CACNA2D3: variants seen among roughly 807,000 people sequenced by gnomAD.
CACNA2D3 encodes calcium voltage-gated channel auxiliary subunit alpha2delta 3.
In CACNA2D3, 60 loss-of-function variants were observed where a neutral mutation model predicts 160.6. The ratio of observed to expected loss-of-function variants is 0.37; its 90% CI spans 0.30 to 0.46. The LOEUF is 0.46. Among genes scored for constraint, CACNA2D3 ranks in the 20% least tolerant of loss-of-function variants. The probability of loss-of-function intolerance (pLI) is 1.00; values close to 1 mark genes in which losing one functional copy is unlikely to be tolerated. For missense variants in CACNA2D3, 1,205 were observed against 1,365.0 expected, an observed-to-expected ratio of 0.88 and a Z score of 1.85; for synonymous variants, 558 against 492.9, an observed-to-expected ratio of 1.13 and a Z score of -1.75.
intron 12 of CACNA2D3, among the ~76,000 whole-genome samples, chr3:54,760,239 TC>T (rs1702057258): frequency 8.5e-3 from 1 of 118 alleles, no homozygotes; most frequent in Non-Finnish European, 0.019. Flanking sequence ...GGAGGGCCTC[TC>T]TGATCTGAGC....
At chr3:54,317,738 C>T (rs530833414) in intron 2 of CACNA2D3, among the ~76,000 whole-genome samples, 9 of 152,254 alleles carry the variant, frequency 5.9e-5, no homozygotes, top group Admixed American at 5.2e-4. Flanking sequence ...GGGGTTTCAC[C>T]ATGTTGGCCA....
intron 2 of CACNA2D3, among the ~76,000 whole-genome samples, chr3:54,213,104 C>T (rs1170456517): frequency 6.6e-6 from 1 of 152,120 alleles, no homozygotes; most frequent in East Asian, 1.9e-4. Context: ...CCAGATGACC[C>T]CCCTTCAGTG....
chr3:54,534,317 A>G (rs1447793385), intron 5 of CACNA2D3, among the ~76,000 whole-genome samples: 1 of 97,594 alleles, frequency 1.0e-5, no homozygotes, highest in Non-Finnish European at 2.4e-5. Context: ...TGTGTAGTTC[A>G]AGGTGGTCTT....
Position 54,277,900 on chromosome 3 carries a change from G to A in CACNA2D3, c.205-42542G>A, listed in dbSNP as rs142924535. Among the ~76,000 whole-genome samples, 1,493 of 152,198 alleles carry A rather than the reference G, an allele frequency of 9.8e-3. 30 individuals carry two copies. Among genetic ancestry groups the A allele is most frequent in the African/African-American group, 0.034 (1,427 of 41,514 alleles). On this transcript the variant is annotated intron_variant, in intron 2 of 37. Transcript: ENST00000474759. ...ATTCTCTTTGTAGCAATTGTGAATG[G>A]GAGTTCCCTCATGATTTGGCTCTCT... is the stretch of plus-strand genomic sequence containing the variant.
At chr3:55,006,602 C>T (rs1340509617) in intron 32 of CACNA2D3, among the ~76,000 whole-genome samples, 1 of 152,208 alleles carries the variant, frequency 6.6e-6, no homozygotes, top group Non-Finnish European at 1.5e-5. Context: ...GCCCAGAACA[C>T]TGTGATTCAA....
intron 2 of CACNA2D3, among the ~76,000 whole-genome samples, chr3:54,218,636 T>C (rs1207991023): frequency 6.6e-6 from 1 of 152,210 alleles, no homozygotes; most frequent in Non-Finnish European, 1.5e-5. Flanking sequence ...GTAACAAATA[T>C]CACAAACCTA....
intron 2 of CACNA2D3, among the ~76,000 whole-genome samples, chr3:54,214,177 T>C (rs980651947): frequency 5.9e-5 from 9 of 152,194 alleles, no homozygotes; most frequent in African/African-American, 2.2e-4. Flanking sequence ...CAGAAGACTC[T>C]GACTGAATTA....
chr3:54,803,230 G>T (rs1221655536), intron 13 of CACNA2D3, among the ~76,000 whole-genome samples: 1 of 152,216 alleles, frequency 6.6e-6, no homozygotes, highest in Non-Finnish European at 1.5e-5. Context: ...GACGAGTTGA[G>T]GGAAGAAGGC....
chr3:54,677,622 G>T (rs11130430), intron 11 of CACNA2D3, among the ~76,000 whole-genome samples: 9,261 of 93,930 alleles, frequency 0.099, 359 homozygotes, highest in Non-Finnish European at 0.14. Flanking sequence ...TTTTTTTTTG[G>T]GGGGGGGGCA....
chr3:54,866,929 C>A (rs2106811910), intron 17 of CACNA2D3, among the ~76,000 whole-genome samples: 1 of 152,318 alleles, frequency 6.6e-6, no homozygotes, highest in South Asian at 2.1e-4. Context: ...TATTTCATAG[C>A]ACAGAATATC....
intron 35 of CACNA2D3, among the ~76,000 whole-genome samples, chr3:55,048,917 T>C (rs1235561600): frequency 7.3e-6 from 1 of 137,744 alleles, no homozygotes; most frequent in Non-Finnish European, 1.6e-5. Context: ...TCTCTGATGG[T>C]AGTTTGTATT....
intron 4 of CACNA2D3, among the ~76,000 whole-genome samples, chr3:54,452,247 G>A (rs1206369694): frequency 6.6e-6 from 1 of 152,184 alleles, no homozygotes; most frequent in African/African-American, 2.4e-5. Flanking sequence ...CATGGTGGCA[G>A]GCAAGAGAGC....
Position 54,570,040 on chromosome 3 carries a change from C to T in CACNA2D3, c.824C>T (p.Ala275Val), listed in dbSNP as rs772419843. Residue 275 changes from alanine to valine, a missense_variant, in exon 8 of 38, where the codon GCG becomes GTG. By Grantham distance (64) the Ala-to-Val change is moderately conservative (BLOSUM62 0). Transcript: ENST00000474759. ...GSMKGLRLTIAKQTVSSILDT... is the reference protein window; with the variant it reads ...GSMKGLRLTIVKQTVSSILDT... The stretch of plus-strand genomic sequence containing the variant: ...ATGAAAGGACTCCGTCTGACTATCG[C>T]GAAGCAAACAGTCTCATCCATTTTG... 12 of 1,613,924 alleles carry T rather than the reference C, an allele frequency of 7.4e-6. No individual in the cohort carries two copies. Among genetic ancestry groups the T allele is most frequent in the Admixed American group, 3.3e-5 (2 of 60,016 alleles).
chr3:54,213,526 CCTTT>C (rs1701413519), intron 2 of CACNA2D3, among the ~76,000 whole-genome samples: 1 of 152,200 alleles, frequency 6.6e-6, no homozygotes, highest in Non-Finnish European at 1.5e-5. Context: ...GGATAACAGT[CCTTT>C]CTTTCTTCCT....
chr3:54,540,953 T>G (rs1195807856), intron 5 of CACNA2D3, among the ~76,000 whole-genome samples: 1 of 151,812 alleles, frequency 6.6e-6, no homozygotes, highest in Non-Finnish European at 1.5e-5. Context: ...GGATTTAGAG[T>G]GGGTCCTCAA....
chr3:54,498,238 A>G (rs1436464195), intron 4 of CACNA2D3, among the ~76,000 whole-genome samples: 2 of 151,898 alleles, frequency 1.3e-5, no homozygotes, highest in Non-Finnish European at 2.9e-5. Context: ...TATCATGGCT[A>G]TTAACAGTGA....
intron 5 of CACNA2D3, among the ~76,000 whole-genome samples, chr3:54,506,506 G>A (rs954716058): frequency 1.1e-4 from 16 of 152,258 alleles, no homozygotes; most frequent in South Asian, 4.1e-4. Flanking sequence ...TTCTGCCTCC[G>A]TGGGCGGGCC....
intron 4 of CACNA2D3, among the ~76,000 whole-genome samples, chr3:54,440,635 G>T (rs1271089105): frequency 6.6e-6 from 1 of 151,936 alleles, no homozygotes; most frequent in Non-Finnish European, 1.5e-5. Context: ...ATCCCTCCCT[G>T]CTCCCCTCCG....
intron 35 of CACNA2D3, among the ~76,000 whole-genome samples, chr3:55,071,367 CAT>C (rs1303278650): frequency 1.3e-5 from 2 of 152,102 alleles, no homozygotes; most frequent in Admixed American, 6.5e-5. Context: ...TACTGGCAGT[CAT>C]GTGTCTGTAG....
Sources: gnomAD v4.1 joint callset for allele counts (sites outside exome capture counted in the v4.1 genomes callset) on GRCh38, gnomAD v4.1.1 for gene constraint, MANE v1.5 for transcripts, NCBI Gene and HGNC (gene_info 2026-07-23, HGNC 2026-07-21) for gene names.